VIPR2: variants seen among roughly 807,000 people sequenced by gnomAD.
VIPR2 encodes the protein vasoactive intestinal peptide receptor 2, also known as vasoactive intestinal polypeptide receptor 2.
VIPR2 carries 48 observed loss-of-function variants against 58.0 expected under a neutral mutation model. The observed-to-expected ratio is 0.83, with a 90% CI of 0.66 to 1.05. The LOEUF is 1.05. VIPR2 is among the 50% of genes least tolerant of loss of function. The pLI is 0.00. For missense variants in VIPR2, 534 were observed against 558.0 expected, an observed-to-expected ratio of 0.96 and a Z score of 0.43; for synonymous variants, 243 against 235.2, an observed-to-expected ratio of 1.03 and a Z score of -0.30.
At position 159,127,663 on chromosome 7, in the gene VIPR2, G is replaced by A. The variant is rs1796705162; in HGVS notation, c.151+14783C>T. Among the ~76,000 whole-genome samples the A allele has an allele frequency of 6.6e-6, 1 of 152,118 alleles. No individual in the cohort carries two copies. Among genetic ancestry groups the A allele is most frequent in the African/African-American group, 2.4e-5 (1 of 41,414 alleles). ...CAGGGTCCTCGGGGCCCTCAGCTTT[G>A]GCATGTAAACGCATGTGGGCATCAG... On this transcript the variant is annotated intron_variant, in intron 2 of 12. Coordinates refer to ENST00000262178, the MANE Select transcript of VIPR2 (RefSeq NM_003382.5). The surrounding 1 kb of genome is among the most constrained non-coding windows in gnomAD (Gnocchi z 4.6).
intron 2 of VIPR2, among the ~76,000 whole-genome samples, chr7:159,117,939 C>T (rs1272386844): frequency 1.3e-5 from 2 of 152,202 alleles, no homozygotes; most frequent in Non-Finnish European, 2.9e-5. Context: ...CATTTAGAAG[C>T]AAATATTTCC....
intron 2 of VIPR2, among the ~76,000 whole-genome samples, chr7:159,116,503 G>T (rs558456786): frequency 6.6e-6 from 1 of 152,294 alleles, no homozygotes; most frequent in Admixed American, 6.5e-5. Context: ...AAGCTTCCAG[G>T]CAATGAGTGA....
At chr7:159,134,884 C>T (rs1308448789) in intron 2 of VIPR2, among the ~76,000 whole-genome samples, 1 of 151,838 alleles carries the variant, frequency 6.6e-6, no homozygotes, top group African/African-American at 2.4e-5. Flanking sequence ...GTCTTGATCT[C>T]CTGACCTCAT....
At chr7:159,076,426 C>G (rs1328760285) in intron 4 of VIPR2, among the ~76,000 whole-genome samples, 1 of 152,140 alleles carries the variant, frequency 6.6e-6, no homozygotes, top group African/African-American at 2.4e-5. Flanking sequence ...CCTTACAGTG[C>G]ACAAATGAAA....
intron 4 of VIPR2, among the ~76,000 whole-genome samples, chr7:159,102,521 G>C (rs981268935): frequency 6.6e-6 from 1 of 152,218 alleles, no homozygotes; most frequent in Non-Finnish European, 1.5e-5. Flanking sequence ...TTGGGATATT[G>C]GTTACTGTAT....
intron 4 of VIPR2, among the ~76,000 whole-genome samples, chr7:159,074,449 C>T (rs913281260): frequency 6.6e-6 from 1 of 152,124 alleles, no homozygotes; most frequent in Non-Finnish European, 1.5e-5. Context: ...GAGGGTGGAG[C>T]CCTCATGAAC....
chr7:159,092,007 G>A (rs373181141), intron 4 of VIPR2, among the ~76,000 whole-genome samples: 1 of 152,200 alleles, frequency 6.6e-6, no homozygotes, highest in South Asian at 2.1e-4. Context: ...CACGAGAATC[G>A]CTTGAACCTG....
At chr7:159,035,850 CCCTGTCCTTCCAACCAGGTAA>C (rs1271002458) in intron 8 of VIPR2, 81 bp downstream of exon 8, 16 of 1,506,476 alleles carry the variant, frequency 1.1e-5, no homozygotes, top group African/African-American at 2.8e-5. Context: ...CGCAAACGCT[CCCTGTCCTTCCAACCAGGTAA>C]CCTTCTGGCT....
rs752555349 is a variant in VIPR2, at chr7:159,109,747, G to GA, written c.259+64dup. The GA allele has an allele frequency of 2.3e-4, 347 of 1,477,076 alleles. 2 individuals carry two copies. The Middle Eastern group carries it at 5.4e-3, about 23-fold the overall frequency. The allele number at this position is 1,477,076 out of a possible 1,614,324, so 91.5% of individuals were successfully genotyped here. A position where few individuals can be genotyped will look rare whatever the true frequency, so the allele number is the denominator to read the frequency against. On this transcript the variant is annotated intron_variant, in intron 3 of 12. Transcript: ENST00000262178. ...AAGTGATGTTCCTGCTTCTTGGATGGAAAAAATGGACGCTCAGATGCAAAC... is the reference window on the plus strand; with the variant it reads ...AAGTGATGTTCCTGCTTCTTGGATGGAAAAAAATGGACGCTCAGATGCAAAC...
chr7:159,125,826 G>A lies in VIPR2; in HGVS notation c.152-15907C>T, dbSNP rs115089962. Reference sequence around the variant, plus strand: ...TGACCATGCAGAGCAAGGGCCCCACGGTGTCCATCTCCAGAGCTCAGGGGC... The same window carrying A: ...TGACCATGCAGAGCAAGGGCCCCACAGTGTCCATCTCCAGAGCTCAGGGGC... On this transcript the variant is annotated intron_variant, in intron 2 of 12. Transcript: ENST00000262178. Among the ~76,000 whole-genome samples the A allele has an allele frequency of 4.4e-3, 675 of 152,248 alleles. 7 individuals are homozygous for A. Among genetic ancestry groups the A allele is most frequent in the African/African-American group, 0.016 (647 of 41,538 alleles).
In VIPR2 at chr7:159,106,878, G is replaced by A. The variant is rs565599337; in HGVS notation, c.259+2934C>T. Among the ~76,000 whole-genome samples the A allele has an allele frequency of 6.0e-5, 9 of 149,076 alleles. No homozygotes were observed. The South Asian group carries it at 1.7e-3, about 29-fold the overall frequency. ...AGGCCAGGGAGGGGCAGAGAGATCAGGGAGGTGCAGAAAGAGGCCAGGGAG... is the reference window on the plus strand; with the variant it reads ...AGGCCAGGGAGGGGCAGAGAGATCAAGGAGGTGCAGAAAGAGGCCAGGGAG... On this transcript the variant is annotated intron_variant, in intron 3 of 12. Transcript: ENST00000262178.
intron 5 of VIPR2, among the ~76,000 whole-genome samples, chr7:159,048,288 GC>G (rs1563271255): frequency 6.6e-6 from 1 of 152,178 alleles, no homozygotes; most frequent in Non-Finnish European, 1.5e-5. Context: ...AAACAAAGGT[GC>G]TTTTGCTTCA....
chr7:159,143,317 T>A (rs757390049), intron 1 of VIPR2, among the ~76,000 whole-genome samples: 1 of 152,236 alleles, frequency 6.6e-6, no homozygotes, highest in Non-Finnish European at 1.5e-5. Flanking sequence ...CAAGCGGCCC[T>A]TGGGGGCTTA....
chr7:159,043,598 G>T (rs562683481), intron 5 of VIPR2, among the ~76,000 whole-genome samples: 1 of 152,264 alleles, frequency 6.6e-6, no homozygotes, highest in South Asian at 2.1e-4. Flanking sequence ...CCGGGGGAAG[G>T]CCCTGAATAG....
chr7:159,091,258 C>T (rs976329910), intron 4 of VIPR2, among the ~76,000 whole-genome samples: 1 of 152,238 alleles, frequency 6.6e-6, no homozygotes, highest in Non-Finnish European at 1.5e-5. Context: ...AGAAGATAAG[C>T]GCTGATGTCT....
intron 4 of VIPR2, among the ~76,000 whole-genome samples, chr7:159,082,747 C>G (rs563652745): frequency 6.6e-6 from 1 of 152,296 alleles, no homozygotes; most frequent in East Asian, 1.9e-4. Flanking sequence ...GACAGATAGA[C>G]CTGCAGACAG....
intron 4 of VIPR2, among the ~76,000 whole-genome samples, chr7:159,061,957 G>A (rs989218535): frequency 7.2e-5 from 11 of 152,196 alleles, no homozygotes; most frequent in African/African-American, 2.7e-4. Context: ...TGGAGTCCAT[G>A]GCGGGAGGGC....
At position 159,080,140 on chromosome 7, in the gene VIPR2, C is replaced by T. The variant is rs1856830381; in HGVS notation, c.358-21562G>A. Among the ~76,000 whole-genome samples the T allele has an allele frequency of 3.3e-5, 5 of 152,240 alleles. 1 individual carries two copies. In the South Asian group the frequency reaches 1.0e-3, roughly 32 times the overall value. On this transcript the variant is annotated intron_variant, in intron 4 of 12. Coordinates refer to ENST00000262178, the MANE Select transcript of VIPR2 (RefSeq NM_003382.5). The stretch of plus-strand genomic sequence containing the variant: ...TATGAGGCCAGCATCATCCTGATAC[C>T]AAAGCCTGGCAGAGACACAACAAAA...
intron 2 of VIPR2, among the ~76,000 whole-genome samples, chr7:159,117,615 T>C (rs1395184082): frequency 6.6e-6 from 1 of 152,200 alleles, no homozygotes; most frequent in East Asian, 1.9e-4. Flanking sequence ...GGTGGTGCCC[T>C]AGATCTTCCC....
Sources: gnomAD v4.1 joint callset for allele counts (sites outside exome capture counted in the v4.1 genomes callset) on GRCh38, gnomAD v4.1.1 for gene constraint, Gnocchi (gnomAD v3.1) non-coding constraint, MANE v1.5 for transcripts, NCBI Gene and HGNC (gene_info 2026-07-23, HGNC 2026-07-21) for gene names.